Variants in MAP4K4 observed in about 807,000 individuals in gnomAD.
MAP4K4 encodes the protein mitogen-activated protein kinase kinase kinase kinase 4.
MAP4K4 carries 38 observed loss-of-function variants against 189.6 expected under a neutral mutation model. The observed-to-expected ratio is 0.20, with a 90% CI of 0.15 to 0.26. The LOEUF is 0.26. Ranked by LOEUF, MAP4K4 falls within the 10% of genes least tolerant of loss-of-function variation. The probability of loss-of-function intolerance (pLI) is 1.00; values close to 1 mark genes in which losing one functional copy is unlikely to be tolerated. For missense variants in MAP4K4, 1,054 were observed against 1,726.9 expected, an observed-to-expected ratio of 0.61 and a Z score of 6.91; for synonymous variants, 610 against 624.3, an observed-to-expected ratio of 0.98 and a Z score of 0.34.
intron 10 of MAP4K4, 80 bp downstream of exon 10, chr2:101,840,074 C>T (rs940353479): frequency 5.8e-6 from 8 of 1,387,746 alleles, no homozygotes; most frequent in African/African-American, 2.9e-5. Flanking sequence ...CCCTCCCTTC[C>T]CAGCTGTGAG....
intron 28 of MAP4K4, 22 bp from the exon 29 acceptor site, chr2:101,885,165 T>C: frequency 6.9e-7 from 1 of 1,453,032 alleles, no homozygotes; most frequent in Non-Finnish European, 9.5e-7. Context: ...CTTCTCTTGC[T>C]TTTTTATTTG....
At chr2:101,718,743 C>A (rs1471426672) in intron 2 of MAP4K4, among the ~76,000 whole-genome samples, 2 of 152,144 alleles carry the variant, frequency 1.3e-5, no homozygotes, top group African/African-American at 4.8e-5. Context: ...GCCTCTCATA[C>A]TCTAATGTGC....
intron 3 of MAP4K4, among the ~76,000 whole-genome samples, chr2:101,815,037 G>A (rs1425410213): frequency 2.0e-5 from 3 of 152,180 alleles, no homozygotes; most frequent in African/African-American, 7.2e-5. Flanking sequence ...ATAGTTACTA[G>A]CCTCATTTTG....
At chr2:101,709,500 G>C (rs1425982921) in intron 2 of MAP4K4, among the ~76,000 whole-genome samples, 1 of 152,206 alleles carries the variant, frequency 6.6e-6, no homozygotes, top group African/African-American at 2.4e-5. Flanking sequence ...ACTGTGCCTG[G>C]CTTTAAGTCA....
chr2:101,837,657 C>A (rs1178402470), intron 9 of MAP4K4, among the ~76,000 whole-genome samples: 1 of 152,060 alleles, frequency 6.6e-6, no homozygotes, highest in Non-Finnish European at 1.5e-5. Context: ...AGTAACTCTA[C>A]CCAGTTCATG....
intron 3 of MAP4K4, 73 bp downstream of exon 3, chr2:101,790,849 T>A: frequency 6.4e-6 from 8 of 1,247,634 alleles, no homozygotes; most frequent in Non-Finnish European, 9.2e-6. Context: ...ACACAGAGTA[T>A]TACTCTGTTT....
chr2:101,737,033 C>T (rs894839617), intron 2 of MAP4K4, among the ~76,000 whole-genome samples: 1 of 152,098 alleles, frequency 6.6e-6, no homozygotes, highest in Non-Finnish European at 1.5e-5. Flanking sequence ...ATTGGGCAAT[C>T]GGAGTTTTGA....
intron 12 of MAP4K4, 102 bp downstream of exon 12, chr2:101,844,413 A>G: frequency 1.1e-6 from 1 of 904,162 alleles, no homozygotes; most frequent in Non-Finnish European, 1.7e-6. Flanking sequence ...TTCCTGGGGT[A>G]ATACTTATCC....
chr2:101,797,423 C>T, intron 3 of MAP4K4: 1 of 1,284,248 alleles, frequency 7.8e-7, no homozygotes, highest in Non-Finnish European at 1.0e-6. Flanking sequence ...GTCTGTATCC[C>T]CCTCCTGCAC....
exon 16 of MAP4K4, chr2:101,860,980 G>A (rs2097636479): frequency 6.3e-7 from 1 of 1,594,926 alleles, no homozygotes; most frequent in African/African-American, 1.3e-5. Context: ...GACCAGCGGA[G>A]CCACAGGTAG....
chr2:101,829,802 C>T, intron 6 of MAP4K4: 2 of 492,582 alleles, frequency 4.1e-6, no homozygotes, highest in South Asian at 4.6e-5. Context: ...CCCTGGTTCT[C>T]TATACAGCAG....
At chr2:101,769,151 T>C (rs2080094598) in intron 2 of MAP4K4, among the ~76,000 whole-genome samples, 1 of 152,238 alleles carries the variant, frequency 6.6e-6, no homozygotes, top group Non-Finnish European at 1.5e-5. Context: ...ACTATTAAAG[T>C]TTCGTTAAGT....
intron 2 of MAP4K4, among the ~76,000 whole-genome samples, chr2:101,762,364 T>TCTTGTCCCCTGCATC (rs1285169240): frequency 6.6e-5 from 10 of 152,158 alleles, no homozygotes; most frequent in Non-Finnish European, 1.0e-4. Context: ...GCCCAGTTGG[T>TCTTGTCCCCTGCATC]CTTGTCCCCT....
intron 23 of MAP4K4, 100 bp downstream of exon 23, chr2:101,870,515 T>G: frequency 6.6e-7 from 1 of 1,504,370 alleles, no homozygotes; most frequent in Non-Finnish European, 9.0e-7. Context: ...TCATCATCTG[T>G]TTTCATGTTA....
At chr2:101,783,725 T>G (rs1041720591) in intron 2 of MAP4K4, among the ~76,000 whole-genome samples, 1 of 152,134 alleles carries the variant, frequency 6.6e-6, no homozygotes, top group African/African-American at 2.4e-5. Flanking sequence ...CGAACAAATA[T>G]CAAGAAACAA....
chr2:101,730,708 CA>C (rs923259073), intron 2 of MAP4K4, among the ~76,000 whole-genome samples: 2 of 152,138 alleles, frequency 1.3e-5, no homozygotes, highest in African/African-American at 4.8e-5. Context: ...AAGACTATTA[CA>C]AATCCTTAAA....
intron 2 of MAP4K4, among the ~76,000 whole-genome samples, chr2:101,782,421 G>A (rs1333416307): frequency 6.6e-6 from 1 of 152,224 alleles, no homozygotes; most frequent in Non-Finnish European, 1.5e-5. Flanking sequence ...AAGGTCTTTA[G>A]GGAATGGAAG....
intron 23 of MAP4K4, 198 bp downstream of exon 23, chr2:101,870,613 C>A: frequency 1.7e-6 from 1 of 596,976 alleles, no homozygotes; most frequent in Non-Finnish European, 2.9e-6. Context: ...GTAGTCTCCA[C>A]CCCACATCGC....
chr2:101,795,634 C>G (rs2093607175), intron 3 of MAP4K4, among the ~76,000 whole-genome samples: 1 of 152,094 alleles, frequency 6.6e-6, no homozygotes, highest in South Asian at 2.1e-4. Context: ...TCTGAGGAGC[C>G]TTAGTTCTGT....
Sources: gnomAD v4.1 joint callset for allele counts (sites outside exome capture counted in the v4.1 genomes callset) on GRCh38, gnomAD v4.1.1 for gene constraint, MANE v1.5 for transcripts, NCBI Gene and HGNC (gene_info 2026-07-23, HGNC 2026-07-21) for gene names.